Variants in ABCA5 observed in about 807,000 individuals in gnomAD.
ABCA5 encodes the protein ATP binding cassette subfamily A member 5.
A neutral mutation model predicts 206.0 loss-of-function variants in ABCA5; 163 were observed. The ratio of observed to expected loss-of-function variants is 0.79; its 90% CI spans 0.70 to 0.90. The LOEUF is 0.90. Among genes scored for constraint, ABCA5 ranks in the 40% least tolerant of loss-of-function variants. The pLI, the probability that ABCA5 is intolerant of heterozygous loss-of-function variation, is 0.00. For synonymous variants in ABCA5, 609 were observed against 613.8 expected, an observed-to-expected ratio of 0.99 and a Z score of 0.11; for missense variants, 1,859 against 1,912.9, an observed-to-expected ratio of 0.97 and a Z score of 0.53.
intron 24 of ABCA5, 105 bp downstream of exon 24, chr17:69,264,630 C>T: frequency 1.3e-6 from 1 of 788,988 alleles, no homozygotes; most frequent in Non-Finnish European, 1.8e-6. Flanking sequence ...TTTTCTTTAA[C>T]AAATTAATAA....
At chr17:69,252,751 C>T (rs953132333) in intron 34 of ABCA5, among the ~76,000 whole-genome samples, 2 of 150,572 alleles carry the variant, frequency 1.3e-5, no homozygotes, top group Non-Finnish European at 3.0e-5. Flanking sequence ...GCAGGAGAAT[C>T]GCTTCAGCCT....
chr17:69,257,961 C>A (rs1012762422), intron 28 of ABCA5, among the ~76,000 whole-genome samples: 1 of 151,904 alleles, frequency 6.6e-6, no homozygotes, highest in African/African-American at 2.4e-5. Flanking sequence ...TAATTAAGTG[C>A]TTCTATTTTC....
At chr17:69,327,028 C>A (rs181536324) in intron 1 of ABCA5, 24 bp downstream of exon 1, 1 of 157,398 alleles carries the variant, frequency 6.4e-6, no homozygotes, top group South Asian at 1.8e-4. Context: ...CAAGCGCCGC[C>A]GCCGCCCGCG....
intron 4 of ABCA5, among the ~76,000 whole-genome samples, chr17:69,308,645 G>A (rs2075742598): frequency 6.6e-6 from 1 of 152,138 alleles, no homozygotes; most frequent in Non-Finnish European, 1.5e-5. Flanking sequence ...TTTAAAACAA[G>A]TTACTTTTTT....
chr17:69,320,532 CA>C lies in ABCA5; in HGVS notation c.-15-6103del, dbSNP rs892769499. 2.3e-4 allele frequency among the ~76,000 whole-genome samples: 35 copies of C among 148,964 alleles called. No individual in the cohort carries two copies. The South Asian group carries it at 2.5e-3, about 11-fold the overall frequency. Reference sequence around the variant, plus strand: ...TGAGCTTCAATTCAAGTTATTGAAACAAAAAAAAAATCTCTTAAGCCCATCT... The same window carrying C: ...TGAGCTTCAATTCAAGTTATTGAAACAAAAAAAAATCTCTTAAGCCCATCT... On this transcript the variant is annotated intron_variant, in intron 1 of 38. Transcript: ENST00000392676.
intron 18 of ABCA5, among the ~76,000 whole-genome samples, chr17:69,280,120 T>C (rs2075375662): frequency 6.6e-6 from 1 of 151,904 alleles, no homozygotes; most frequent in South Asian, 2.1e-4. Flanking sequence ...GAGAAAATGT[T>C]CGCAACCTAC....
At chr17:69,257,363 A>G (rs2075095313) in intron 28 of ABCA5, among the ~76,000 whole-genome samples, 2 of 152,012 alleles carry the variant, frequency 1.3e-5, no homozygotes, top group African/African-American at 2.4e-5. Flanking sequence ...CAAAAAAAAA[A>G]AAAAAAAGAA....
intron 14 of ABCA5, 86 bp downstream of exon 14, chr17:69,289,091 C>A: frequency 7.6e-7 from 1 of 1,318,198 alleles, no homozygotes; most frequent in Non-Finnish European, 1.0e-6. Flanking sequence ...TTAACCTTTA[C>A]ATAATGTATT....
At chr17:69,310,179 G>A (rs369035972) in intron 3 of ABCA5, among the ~76,000 whole-genome samples, 1 of 152,038 alleles carries the variant, frequency 6.6e-6, no homozygotes, top group Non-Finnish European at 1.5e-5. Flanking sequence ...ACAGGGCTTT[G>A]TTCTGTTACC....
At chr17:69,274,195 A>T in intron 19 of ABCA5, 67 bp from the exon 20 acceptor site, 5 of 1,386,000 alleles carry the variant, frequency 3.6e-6, no homozygotes, top group African/African-American at 1.5e-5. Context: ...ATCAATTAAA[A>T]CTCTCCCTTC....
In ABCA5 at chr17:69,250,569, A is replaced by G; in HGVS notation, c.4588T>C (p.Leu1530=). The G allele has an allele frequency of 6.2e-7, 1 of 1,601,814 alleles. No homozygotes were observed. The highest frequency in any genetic ancestry group is 1.7e-4 in the Middle Eastern group (1 of 5,950). The change falls in exon 36 of 39, where the codon TTG becomes CTG. Residue 1530 remains leucine (L), a synonymous_variant. Coordinates refer to ENST00000392676, the MANE Select transcript of ABCA5 (RefSeq NM_172232.4). ...LKSKFGKGYF[L]EIKLKDWIEN... ...ATCCAGTCCTTCAATTTAATTTCCA[A>G]AAAGTAGCCTTTTCCAAATTTACTC...
chr17:69,248,380 A>G (rs2074976567), intron 37 of ABCA5, 63 bp from the exon 38 acceptor site: 2 of 932,922 alleles, frequency 2.1e-6, no homozygotes, highest in Non-Finnish European at 3.3e-6. Flanking sequence ...AATACCTACC[A>G]AAGTGGCTAA....
rs113034849 is a variant in ABCA5, at chr17:69,302,735, C to T, written c.1102G>A (p.Val368Met). The T allele has an allele frequency of 3.2e-6, 5 of 1,569,892 alleles. No individual in the cohort carries two copies. The African/African-American group carries it at 5.5e-5, about 17-fold the overall frequency. ...TTACCTACCTGTGCAATACCAATCACAAAAGTACAGTGACAGAAAGGACTG... is the reference window on the plus strand; with the variant it reads ...TTACCTACCTGTGCAATACCAATCATAAAAGTACAGTGACAGAAAGGACTG... ...LFSPFCHCTF[V>M]IGIAQVMHLE... The change falls in exon 8 of 39, where the codon GTG becomes ATG. Residue 368 changes from valine to methionine, a missense_variant. Coordinates refer to ENST00000392676, the MANE Select transcript of ABCA5 (RefSeq NM_172232.4).
chr17:69,287,332 T>C (rs927986768), intron 15 of ABCA5, among the ~76,000 whole-genome samples: 5 of 152,210 alleles, frequency 3.3e-5, no homozygotes, highest in African/African-American at 1.2e-4. Context: ...TTCCCTTTGC[T>C]AACTTAGCTT....
chr17:69,302,166 T>C (rs551915630), intron 8 of ABCA5, among the ~76,000 whole-genome samples: 1 of 152,306 alleles, frequency 6.6e-6, no homozygotes, highest in South Asian at 2.1e-4. Context: ...TACAAAGCCA[T>C]TTCTTATAAG....
At chr17:69,267,873 T>G in intron 23 of ABCA5, 70 bp downstream of exon 23, 1 of 769,802 alleles carries the variant, frequency 1.3e-6, no homozygotes, top group Non-Finnish European at 2.2e-6. Context: ...AGCCTTGCAA[T>G]CAAGCAAATA....
intron 3 of ABCA5, among the ~76,000 whole-genome samples, chr17:69,309,855 A>G (rs1440952637): frequency 2.0e-5 from 3 of 152,140 alleles, no homozygotes; most frequent in African/African-American, 7.2e-5. Flanking sequence ...AAACAAACAA[A>G]CAAAAAGAAG....
chr17:69,305,310 C>A (rs1222122566), intron 6 of ABCA5, among the ~76,000 whole-genome samples: 2 of 152,184 alleles, frequency 1.3e-5, no homozygotes, highest in Admixed American at 6.5e-5. Context: ...AATGAATTCA[C>A]TATTTTTGCT....
intron 6 of ABCA5, among the ~76,000 whole-genome samples, chr17:69,305,594 G>C (rs1314777674): frequency 6.6e-6 from 1 of 152,132 alleles, no homozygotes; most frequent in Non-Finnish European, 1.5e-5. Flanking sequence ...CTTTGGCCAG[G>C]CACAGTGGCT....
Sources: allele counts gnomAD v4.1 joint callset (sites outside exome capture counted in the v4.1 genomes callset), GRCh38; gene constraint gnomAD v4.1.1; transcripts MANE v1.5; gene names NCBI Gene and HGNC (gene_info 2026-07-23, HGNC 2026-07-21).